ADAM2: variants seen among roughly 807,000 people sequenced by gnomAD.
ADAM2 encodes ADAM metallopeptidase domain 2.
Under a neutral mutation model 99.3 loss-of-function variants are expected in ADAM2, and 101 were observed. The ratio of observed to expected loss-of-function variants is 1.02; its 90% CI spans 0.87 to 1.20. The LOEUF (loss-of-function observed/expected upper bound fraction) is 1.20. Ranked by LOEUF, ADAM2 falls within the 50% of genes most tolerant of loss-of-function variation. The probability of loss-of-function intolerance (pLI) is 0.00; values close to 1 mark genes in which losing one functional copy is unlikely to be tolerated. For synonymous variants in ADAM2, 323 were observed against 287.6 expected (o/e 1.12, Z -1.25); for missense variants, 948 against 878.7 (o/e 1.08, Z -1.00).
At chr8:39,789,395 T>G (rs906140344) in intron 7 of ADAM2, among the ~76,000 whole-genome samples, 1 of 151,768 alleles carries the variant, frequency 6.6e-6, no homozygotes, top group African/African-American at 2.4e-5. Flanking sequence ...TATAGCACAT[T>G]TCACTACAAA....
chr8:39,753,636 C>T (rs775297588), intron 16 of ADAM2, among the ~76,000 whole-genome samples: 2 of 152,274 alleles, frequency 1.3e-5, no homozygotes, highest in South Asian at 2.1e-4. Flanking sequence ...TCCCCCTGCT[C>T]TATACTGCCT....
At chr8:39,829,661 T>C (rs1050376244) in intron 3 of ADAM2, among the ~76,000 whole-genome samples, 1 of 152,006 alleles carries the variant, frequency 6.6e-6, no homozygotes, top group African/African-American at 2.4e-5. Context: ...GTTAGTCATA[T>C]GTCCTATAAA....
Position 39,777,162 on chromosome 8 carries a change from C to T in ADAM2, c.892-1G>A. 1 of 1,587,110 alleles carries T rather than the reference C, an allele frequency of 6.3e-7. No individual in the cohort carries two copies. The highest frequency in any genetic ancestry group is 1.9e-5 in the Admixed American group (1 of 53,718). On this transcript the variant is annotated splice_acceptor_variant, in intron 10 of 20. Coordinates refer to ENST00000265708, the MANE Select transcript of ADAM2 (RefSeq NM_001464.5). LOFTEE classifies it high-confidence loss of function. ...ATTCCAGACTTATGGTTCTGGGGTGCTGAGAAAAAAAAATAGATGTACACG... is the reference window on the plus strand; with the variant it reads ...ATTCCAGACTTATGGTTCTGGGGTGTTGAGAAAAAAAAATAGATGTACACG...
At position 39,744,021 on chromosome 8, in the gene ADAM2, C is replaced by T. The variant is rs1161679092; in HGVS notation, c.*74G>A. ...CCAGGTAATGTACATTCTTTTCTTT[C>T]CATTTTTTTGTGTCCATCCATCACA... On this transcript the variant is annotated 3_prime_UTR_variant, in exon 21 of 21. Coordinates refer to ENST00000265708, the MANE Select transcript of ADAM2 (RefSeq NM_001464.5). 2 of 151,940 alleles carry T rather than the reference C, an allele frequency of 1.3e-5. No individual in the cohort carries two copies. The highest frequency in any genetic ancestry group is 4.8e-5 in the African/African-American group (2 of 41,378). 9.4% of individuals were successfully genotyped at this position (151,940 alleles called of 1,614,324 possible).
chr8:39,817,672 T>C (rs1445839428), intron 6 of ADAM2, among the ~76,000 whole-genome samples: 6 of 152,100 alleles, frequency 3.9e-5, no homozygotes, highest in Admixed American at 2.6e-4. Context: ...AAAAACTTAG[T>C]AATATGTGCT....
At chr8:39,836,783 A>G (rs1042929296) in intron 2 of ADAM2, among the ~76,000 whole-genome samples, 3 of 152,218 alleles carry the variant, frequency 2.0e-5, no homozygotes, top group African/African-American at 7.2e-5. Flanking sequence ...CATATAAGCA[A>G]GCCAAGGCTT....
chr8:39,787,374 G>A (rs904831157), intron 9 of ADAM2, among the ~76,000 whole-genome samples: 1 of 151,240 alleles, frequency 6.6e-6, no homozygotes, highest in Non-Finnish European at 1.5e-5. Flanking sequence ...AAAAAGCTAA[G>A]GCAATGCAAC....
rs970053220 is a variant in ADAM2, at chr8:39,826,734, C to CA, written c.189-1838dup. Among the ~76,000 whole-genome samples the CA allele has an allele frequency of 9.3e-5, 14 of 150,312 alleles. No individual in the cohort carries two copies. In the South Asian group the frequency reaches 1.0e-3, roughly 11 times the overall value. On this transcript the variant is annotated intron_variant, in intron 3 of 20. Coordinates refer to ENST00000265708, the MANE Select transcript of ADAM2 (RefSeq NM_001464.5). ...CGAGAAAAAAAAAAAACAAAAAAAC[C>CA]AAAAAAAACTCAAAATGGATTAAAA...
chr8:39,818,930 T>C (rs1805062709), intron 6 of ADAM2, among the ~76,000 whole-genome samples: 1 of 152,054 alleles, frequency 6.6e-6, no homozygotes, highest in Admixed American at 6.6e-5. Context: ...CTACTGCTCA[T>C]GGACAGAGTT....
chr8:39,755,657 G>T, intron 16 of ADAM2, 71 bp downstream of exon 16: 1 of 1,167,170 alleles, frequency 8.6e-7, no homozygotes, highest in Non-Finnish European at 1.2e-6. Context: ...CAGGGCAAGA[G>T]TGACACTCAT....
intron 10 of ADAM2, among the ~76,000 whole-genome samples, chr8:39,783,496 T>C (rs1284492574): frequency 6.6e-6 from 1 of 152,132 alleles, no homozygotes; most frequent in Admixed American, 6.6e-5. Context: ...TATTCCTCAT[T>C]ATTTCTTCTA....
At chr8:39,804,338 C>T (rs56726736) in intron 7 of ADAM2, among the ~76,000 whole-genome samples, 26,887 of 151,788 alleles carry the variant, frequency 0.18, 2,670 homozygotes, top group East Asian at 0.28. Context: ...TAGGGAATGA[C>T]GGTAATCATG....
intron 6 of ADAM2, among the ~76,000 whole-genome samples, chr8:39,814,735 A>G (rs1049975745): frequency 4.6e-5 from 7 of 151,914 alleles, no homozygotes; most frequent in Admixed American, 1.3e-4. Context: ...CAATCGAACA[A>G]CCAACATGTC....
intron 14 of ADAM2, among the ~76,000 whole-genome samples, chr8:39,766,061 A>T (rs1239167516): frequency 6.6e-6 from 1 of 152,198 alleles, no homozygotes; most frequent in African/African-American, 2.4e-5. Flanking sequence ...ACGTCAGTGC[A>T]CATCATCCCT....
chr8:39,777,029 C>G lies in ADAM2; in HGVS notation c.1024G>C (p.Ala342Pro). Residue 342 changes from alanine to proline, a missense_variant, in exon 11 of 21, where the codon GCA (alanine) becomes CCA (proline). By Grantham distance (27) the Ala-to-Pro change is conservative. Transcript: ENST00000265708. ...TATAAAAGTCAGAAATCTTACATTGCTTCTGGATTCATAATGCAGACAGCT... is the reference window on the plus strand; with the variant it reads ...TATAAAAGTCAGAAATCTTACATTGGTTCTGGATTCATAATGCAGACAGCT... ...SGAVCIMNPE[A>P]IHFSGVKIFS... 6.4e-7 allele frequency: 1 copy of G among 1,562,734 alleles called. No homozygotes were observed. The highest frequency in any genetic ancestry group is 8.8e-7 in the Non-Finnish European group (1 of 1,135,646).
chr8:39,821,030 T>C lies in ADAM2; in HGVS notation c.485A>G (p.Asp162Gly), dbSNP rs202141185. ...TACGCTTTGTAATTTAAAGGACAGA[T>C]CTCTTGATTCAATATCCTTCTCATT... ...LYNEKDIESR[D>G]LSFKLQSVEP... Residue 162 changes from aspartate to glycine, a missense_variant, in exon 6 of 21, where the codon GAT becomes GGT. Asp to Gly is a moderately conservative substitution (Grantham distance 94, BLOSUM62 -1). Coordinates refer to ENST00000265708, the MANE Select transcript of ADAM2 (RefSeq NM_001464.5). 1.2e-6 allele frequency: 2 copies of C among 1,602,006 alleles called. No individual in the cohort carries two copies. The highest frequency in any genetic ancestry group is 1.7e-5 in the Admixed American group (1 of 58,698).
intron 10 of ADAM2, among the ~76,000 whole-genome samples, chr8:39,780,257 T>C (rs1327269733): frequency 6.6e-6 from 1 of 152,006 alleles, no homozygotes; most frequent in Non-Finnish European, 1.5e-5. Context: ...CATGATTCAA[T>C]ACCTCCCACC....
intron 14 of ADAM2, among the ~76,000 whole-genome samples, chr8:39,766,501 G>T (rs1278324262): frequency 6.7e-6 from 1 of 149,888 alleles, no homozygotes; most frequent in African/African-American, 2.5e-5. Context: ...GTGCAGTGGC[G>T]TGATCTCAGC....
At chr8:39,822,968 C>T (rs902995705) in intron 4 of ADAM2, among the ~76,000 whole-genome samples, 1 of 152,048 alleles carries the variant, frequency 6.6e-6, no homozygotes, top group African/African-American at 2.4e-5. Flanking sequence ...GGGGTTTCAC[C>T]ATTTTGGTCA....
Sources: gnomAD v4.1 joint callset for allele counts (sites outside exome capture counted in the v4.1 genomes callset) on GRCh38, gnomAD v4.1.1 for gene constraint, MANE v1.5 for transcripts, NCBI Gene and HGNC (gene_info 2026-07-23, HGNC 2026-07-21) for gene names.